SLAMF1: variants seen among roughly 807,000 people sequenced by gnomAD.
SLAMF1 encodes the protein signaling lymphocytic activation molecule family member 1.
Under a neutral mutation model 35.1 loss-of-function variants are expected in SLAMF1, and 18 were observed. That is an observed-to-expected ratio of 0.51 (90% CI 0.35 to 0.76). SLAMF1 has a LOEUF of 0.76. SLAMF1 is among the 30% of genes least tolerant of loss of function. The probability of loss-of-function intolerance (pLI) is 0.01; values close to 1 mark genes in which losing one functional copy is unlikely to be tolerated. For missense variants in SLAMF1, 392 were observed against 413.0 expected (o/e 0.95, Z 0.44); for synonymous variants, 168 against 157.2 (o/e 1.07, Z -0.51).
In SLAMF1 at chr1:160,642,671, C is replaced by T. The variant is rs897362797; in HGVS notation, c.76+4199G>A. Among the ~76,000 whole-genome samples, 14 of 152,182 alleles carry T rather than the reference C, an allele frequency of 9.2e-5. No homozygotes were observed. The highest frequency in any genetic ancestry group is 3.9e-4 in the Admixed American group (6 of 15,288). On this transcript the variant is annotated intron_variant, in intron 1 of 6. Coordinates refer to ENST00000302035, the MANE Select transcript of SLAMF1 (RefSeq NM_003037.5). The surrounding 1 kb of genome is among the most constrained non-coding windows in gnomAD (Gnocchi z 4.2). ...ACACAGAGTCCAAGTTCTCCTCCCT[C>T]CAAAAGCAGAATGTACTCTGATTTG...
chr1:160,613,428 T>G (rs775603559), intron 5 of SLAMF1, among the ~76,000 whole-genome samples: 6 of 151,896 alleles, frequency 4.0e-5, no homozygotes, highest in Non-Finnish European at 8.8e-5. Flanking sequence ...TGATATTTGT[T>G]GATGTTACTT....
rs1213356291 is a variant in SLAMF1, at chr1:160,610,283, C to G, written c.*465G>C. 3 of 456,762 alleles carry G rather than the reference C, an allele frequency of 6.6e-6. No homozygotes were observed. The highest frequency in any genetic ancestry group is 4.7e-5 in the Admixed American group (2 of 42,560). 28.3% of individuals were successfully genotyped at this position (456,762 alleles called of 1,614,324 possible). A position where few individuals can be genotyped will look rare whatever the true frequency, so the allele number is the denominator to read the frequency against. On this transcript the variant is annotated 3_prime_UTR_variant, in exon 7 of 7. Transcript: ENST00000302035. ...CTGAGGCACAGAGGCTTGATCAGGTCTGCAGGTTATCATGATCAGCTCCCA... is the reference window on the plus strand; with the variant it reads ...CTGAGGCACAGAGGCTTGATCAGGTGTGCAGGTTATCATGATCAGCTCCCA...
intron 4 of SLAMF1, 73 bp downstream of exon 4, chr1:160,624,023 C>A: frequency 9.2e-7 from 1 of 1,083,776 alleles, no homozygotes; most frequent in South Asian, 1.4e-5. Context: ...AGAGCAAGTC[C>A]GAGCCTGTGG....
At chr1:160,629,501 A>T (rs565259771) in intron 3 of SLAMF1, among the ~76,000 whole-genome samples, 3 of 152,142 alleles carry the variant, frequency 2.0e-5, no homozygotes, top group Non-Finnish European at 4.4e-5. Context: ...AAAGGCTGCC[A>T]TCTTCAAGAG....
intron 5 of SLAMF1, among the ~76,000 whole-genome samples, chr1:160,618,536 C>G (rs1206655988): frequency 6.6e-6 from 1 of 152,034 alleles, no homozygotes; most frequent in Non-Finnish European, 1.5e-5. Context: ...CCAGCACTCT[C>G]CTAGGTGTAT....
chr1:160,631,025 T>C (rs1660136703), intron 3 of SLAMF1, among the ~76,000 whole-genome samples: 1 of 152,200 alleles, frequency 6.6e-6, no homozygotes, highest in South Asian at 2.1e-4. Flanking sequence ...CACTGTCTAA[T>C]CTCGGATCAT....
At chr1:160,646,718 C>T in intron 1 of SLAMF1, 152 bp downstream of exon 1, 1 of 576,088 alleles carries the variant, frequency 1.7e-6, no homozygotes, top group South Asian at 1.7e-5. Flanking sequence ...GTTCCTTCCT[C>T]TTTGAAAGAG....
At chr1:160,631,706 G>A (rs57498926) in intron 3 of SLAMF1, among the ~76,000 whole-genome samples, 110 of 147,712 alleles carry the variant, frequency 7.4e-4, no homozygotes, top group African/African-American at 2.8e-3. Context: ...AGTACACGAA[G>A]GAAAGACCAG....
intron 4 of SLAMF1, among the ~76,000 whole-genome samples, chr1:160,621,554 A>T (rs111642701): frequency 1.2e-5 from 1 of 80,114 alleles, no homozygotes; most frequent in Non-Finnish European, 2.5e-5. Flanking sequence ...GCAAGAATCT[A>T]TCTCAAAAAA....
chr1:160,643,719 G>T (rs1381570929), intron 1 of SLAMF1, among the ~76,000 whole-genome samples: 1 of 152,170 alleles, frequency 6.6e-6, no homozygotes, highest in Non-Finnish European at 1.5e-5. Context: ...CGGGTTAATT[G>T]GGATATGTAT....
intron 5 of SLAMF1, among the ~76,000 whole-genome samples, chr1:160,617,545 T>C (rs1659370855): frequency 6.6e-6 from 1 of 151,982 alleles, no homozygotes. Context: ...CTCATAAAGA[T>C]AATACTGAGC....
Position 160,623,609 on chromosome 1 carries a change from G to C in SLAMF1, c.790+487C>G, listed in dbSNP as rs1473684330. On this transcript the variant is annotated intron_variant, in intron 4 of 6. Coordinates refer to ENST00000302035, the MANE Select transcript of SLAMF1 (RefSeq NM_003037.5). ...GGCTGAGGGGAGCACAATGCCCTGA[G>C]ATATTGTATCATAGGGAAATTTGGA... is the stretch of plus-strand genomic sequence containing the variant. 15 of 399,106 alleles carry C rather than the reference G, an allele frequency of 3.8e-5. No homozygotes were observed. The Admixed American group carries it at 6.6e-4, about 18-fold the overall frequency. 24.7% of individuals were successfully genotyped at this position (399,106 alleles called of 1,614,324 possible). A position where few individuals can be genotyped will look rare whatever the true frequency, so the allele number is the denominator to read the frequency against.
At chr1:160,618,525 C>T (rs1659435640) in intron 5 of SLAMF1, among the ~76,000 whole-genome samples, 1 of 151,956 alleles carries the variant, frequency 6.6e-6, no homozygotes, top group African/African-American at 2.4e-5. Context: ...GACATGCCTG[C>T]CCAGCACTCT....
chr1:160,634,277 G>T, intron 3 of SLAMF1: 1 of 296,726 alleles, frequency 3.4e-6, no homozygotes, highest in Non-Finnish European at 5.0e-6. Flanking sequence ...AGACTTGGGA[G>T]CCAGGCCCTC....
intron 4 of SLAMF1, 101 bp downstream of exon 4, chr1:160,623,995 C>G: frequency 1.3e-6 from 1 of 788,058 alleles, no homozygotes; most frequent in Non-Finnish European, 2.1e-6. Context: ...TGGCCCCATG[C>G]AGAAAGCCAG....
intron 5 of SLAMF1, among the ~76,000 whole-genome samples, chr1:160,617,273 G>T (rs772828315): frequency 6.6e-6 from 1 of 152,074 alleles, no homozygotes; most frequent in Non-Finnish European, 1.5e-5. Flanking sequence ...TCAATTTGGA[G>T]GTATGCATAC....
chr1:160,635,789 C>T (rs1242378767), intron 2 of SLAMF1, among the ~76,000 whole-genome samples: 2 of 151,752 alleles, frequency 1.3e-5, no homozygotes, highest in African/African-American at 4.8e-5. Flanking sequence ...CCACCATAGC[C>T]AGGATGGTCT....
At chr1:160,634,303 C>T (rs1660311460) in intron 3 of SLAMF1, 1 of 662,372 alleles carries the variant, frequency 1.5e-6, no homozygotes, top group East Asian at 1.4e-4. Context: ...TGCAATCCCT[C>T]ACCCAGCCAA....
At chr1:160,626,717 C>T (rs1191526809) in intron 3 of SLAMF1, among the ~76,000 whole-genome samples, 1 of 152,088 alleles carries the variant, frequency 6.6e-6, no homozygotes. Context: ...GAGATGCGGT[C>T]CCCATAAAGA....
Sources: gnomAD v4.1 joint callset for allele counts (sites outside exome capture counted in the v4.1 genomes callset) on GRCh38, gnomAD v4.1.1 for gene constraint, Gnocchi (gnomAD v3.1) non-coding constraint, MANE v1.5 for transcripts, NCBI Gene and HGNC (gene_info 2026-07-23, HGNC 2026-07-21) for gene names.